Variants in RBFOX1 observed in about 807,000 individuals in gnomAD.
RBFOX1 encodes RNA binding protein fox-1 homolog 1.
Under a neutral mutation model 57.7 loss-of-function variants are expected in RBFOX1, and 8 were observed. The observed-to-expected ratio is 0.14, with a 90% CI of 0.08 to 0.25. The LOEUF (loss-of-function observed/expected upper bound fraction) is 0.25, where lower values mean the gene tolerates loss of function less well. RBFOX1 is among the 10% of genes least tolerant of loss of function. RBFOX1 has a pLI of 1.00. For missense variants in RBFOX1, 611 were observed against 548.5 expected (o/e 1.11, Z -1.14); for synonymous variants, 326 against 222.4 (o/e 1.47, Z -4.15).
chr16:5,644,531 C>T (rs1325922007), intron 3 of RBFOX1, among the ~76,000 whole-genome samples: 3 of 152,212 alleles, frequency 2.0e-5, no homozygotes, highest in African/African-American at 4.8e-5. Flanking sequence ...CTCCCTCTGA[C>T]ATGAGGAGTT....
chr16:5,699,621 GTA>G (rs1567413831), intron 3 of RBFOX1, among the ~76,000 whole-genome samples: 7 of 152,016 alleles, frequency 4.6e-5, no homozygotes, highest in Non-Finnish European at 8.8e-5. Context: ...TCAGCTCTGG[GTA>G]GACATTTTTG....
chr16:7,417,468 G>T (rs2098492325), intron 4 of RBFOX1, among the ~76,000 whole-genome samples: 1 of 151,280 alleles, frequency 6.6e-6, no homozygotes, highest in South Asian at 2.1e-4. Context: ...ACCACCACCA[G>T]GAAACTGACC....
intron 4 of RBFOX1, among the ~76,000 whole-genome samples, chr16:7,194,929 C>CACA (rs1555553489): frequency 2.2e-5 from 3 of 134,192 alleles, no homozygotes; most frequent in African/African-American, 8.4e-5. Flanking sequence ...CCCTGTTTCA[C>CACA]AAAAAAAAAA....
intron 13 of RBFOX1, among the ~76,000 whole-genome samples, chr16:7,669,983 C>G (rs1322534352): frequency 2.6e-5 from 4 of 152,112 alleles, no homozygotes; most frequent in African/African-American, 9.7e-5. Flanking sequence ...TCTCTCCTCA[C>G]CACAGCCCTT....
chr16:7,649,719 C>G (rs776146725), intron 11 of RBFOX1, among the ~76,000 whole-genome samples: 1 of 152,138 alleles, frequency 6.6e-6, no homozygotes, highest in Non-Finnish European at 1.5e-5. Flanking sequence ...CTGATACCTG[C>G]TTGGTACCAG....
At position 5,319,083 on chromosome 16, in the gene RBFOX1, C is replaced by T. The variant is rs770191644; in HGVS notation, c.219+78978C>T. On this transcript the variant is annotated intron_variant, in intron 1 of 2. Coordinates refer to the RBFOX1 transcript ENST00000585867. ...TGGAGGTTGCGGTGAGCCGAGATCACGCCACTGCACTCCAGCCTGGGCAAC... is the reference window on the plus strand; with the variant it reads ...TGGAGGTTGCGGTGAGCCGAGATCATGCCACTGCACTCCAGCCTGGGCAAC... 8.5e-5 allele frequency among the ~76,000 whole-genome samples: 13 copies of T among 152,226 alleles called. No homozygotes were observed. In the East Asian group the frequency reaches 9.7e-4, roughly 11 times the overall value.
intron 2 of RBFOX1, among the ~76,000 whole-genome samples, chr16:6,610,684 GA>G (rs762676583): frequency 3.3e-5 from 5 of 152,184 alleles, no homozygotes; most frequent in Non-Finnish European, 5.9e-5. Context: ...TATATGTGAA[GA>G]AACACTGAAA....
At chr16:5,811,403 A>C (rs931504244) in intron 3 of RBFOX1, among the ~76,000 whole-genome samples, 1 of 151,680 alleles carries the variant, frequency 6.6e-6, no homozygotes, top group East Asian at 1.9e-4. Flanking sequence ...TCGGCCTCTC[A>C]AAGTGCTGGG....
At position 6,217,686 on chromosome 16, in the gene RBFOX1, C is replaced by G. The variant is rs553453673; in HGVS notation, c.-126-99309C>G. ...TTCATTTCTCACTGTGCTTCAGTAT[C>G]GCACAGACACCTGACACCTAGTAGG... On this transcript the variant is annotated intron_variant, in intron 1 of 15. Coordinates refer to ENST00000550418, the MANE Select transcript of RBFOX1 (RefSeq NM_018723.4). Among the ~76,000 whole-genome samples, 17 of 152,274 alleles carry G rather than the reference C, an allele frequency of 1.1e-4. No individual in the cohort carries two copies. In the South Asian group the frequency reaches 3.5e-3, roughly 32 times the overall value.
At chr16:7,027,925 G>C (rs2041471510) in intron 3 of RBFOX1, among the ~76,000 whole-genome samples, 1 of 151,454 alleles carries the variant, frequency 6.6e-6, no homozygotes, top group South Asian at 2.1e-4. Context: ...GAAGGGAAAA[G>C]AGAAGGAAGG....
At chr16:5,773,308 GGTAA>G (rs1216553395) in intron 3 of RBFOX1, among the ~76,000 whole-genome samples, 2 of 152,178 alleles carry the variant, frequency 1.3e-5, no homozygotes, top group African/African-American at 2.4e-5. Context: ...CTTCCTCAGT[GGTAA>G]GTATCATTAA....
chr16:5,744,986 C>T (rs2052919618), intron 3 of RBFOX1, among the ~76,000 whole-genome samples: 1 of 152,128 alleles, frequency 6.6e-6, no homozygotes, highest in African/African-American at 2.4e-5. Context: ...GCTACATGTG[C>T]ACAACGTGCA....
intron 4 of RBFOX1, among the ~76,000 whole-genome samples, chr16:7,136,310 A>G (rs1226781273): frequency 6.6e-6 from 1 of 152,054 alleles, no homozygotes; most frequent in African/African-American, 2.4e-5. Flanking sequence ...CATATTAGCC[A>G]CATCTCAAGT....
chr16:6,889,970 C>T (rs2065030923), intron 3 of RBFOX1, among the ~76,000 whole-genome samples: 1 of 152,172 alleles, frequency 6.6e-6, no homozygotes, highest in Admixed American at 6.5e-5. Context: ...ACTAGAATTC[C>T]AGGAGACCAA....
chr16:6,772,025 C>A (rs2078380586), intron 3 of RBFOX1, among the ~76,000 whole-genome samples: 1 of 152,144 alleles, frequency 6.6e-6, no homozygotes, highest in Non-Finnish European at 1.5e-5. Context: ...CCAGTAAATT[C>A]CTGCTAAGTA....
chr16:6,653,965 T>TGGA (rs2098624513), intron 2 of RBFOX1, among the ~76,000 whole-genome samples: 1 of 125,646 alleles, frequency 8.0e-6, no homozygotes, highest in African/African-American at 3.3e-5. Context: ...GGATGGATGG[T>TGGA]TGGACGGATG....
At chr16:7,004,871 C>G (rs1026581382) in intron 3 of RBFOX1, among the ~76,000 whole-genome samples, 4 of 152,116 alleles carry the variant, frequency 2.6e-5, no homozygotes, top group Non-Finnish European at 5.9e-5. Flanking sequence ...GCAAAGAGGC[C>G]AGGTGAGGTG....
intron 4 of RBFOX1, among the ~76,000 whole-genome samples, chr16:7,475,307 T>A (rs2062422506): frequency 6.8e-6 from 1 of 147,304 alleles, no homozygotes; most frequent in African/African-American, 2.7e-5. Flanking sequence ...AGGATGGGCA[T>A]TCTTTTTTTT....
chr16:6,780,128 TA>T (rs1265024540), intron 3 of RBFOX1, among the ~76,000 whole-genome samples: 686 of 40,010 alleles, frequency 0.017, 207 homozygotes, highest in African/African-American at 0.067. Flanking sequence ...TTTATATATA[TA>T]TTTATATATT....
Sources: allele counts gnomAD v4.1 joint callset (sites outside exome capture counted in the v4.1 genomes callset), GRCh38; gene constraint gnomAD v4.1.1; transcripts MANE v1.5; gene names NCBI Gene and HGNC (gene_info 2026-07-23, HGNC 2026-07-21).